KIF26B: variants seen among roughly 807,000 people sequenced by gnomAD.
KIF26B encodes kinesin-like protein KIF26B.
KIF26B carries 63 observed loss-of-function variants against 151.2 expected under a neutral mutation model. The observed-to-expected ratio is 0.42, with a 90% CI of 0.34 to 0.51. The LOEUF is 0.51. KIF26B is among the 20% of genes least tolerant of loss of function. KIF26B has a pLI of 0.07. For missense variants in KIF26B, 2,813 were observed against 2,913.6 expected (o/e 0.97, Z 0.79); for synonymous variants, 1,357 against 1,262.1 (o/e 1.08, Z -1.59).
intron 2 of KIF26B, among the ~76,000 whole-genome samples, chr1:245,316,376 G>A (rs576284855): frequency 2.8e-4 from 42 of 151,982 alleles, no homozygotes; most frequent in African/African-American, 8.4e-4. Flanking sequence ...CGCCTGCCTC[G>A]GTCTCCCAAA....
chr1:245,252,426 C>A (rs145635494), intron 2 of KIF26B, among the ~76,000 whole-genome samples: 2 of 151,902 alleles, frequency 1.3e-5, no homozygotes, highest in African/African-American at 4.8e-5. Context: ...TGGAATTCTT[C>A]TTAGGTACTT....
At chr1:245,229,962 A>G (rs1011040472) in intron 2 of KIF26B, among the ~76,000 whole-genome samples, 1 of 151,712 alleles carries the variant, frequency 6.6e-6, no homozygotes, top group Non-Finnish European at 1.5e-5. Flanking sequence ...GTAAAACCCC[A>G]TCTCTACAAA....
At chr1:245,490,055 T>C (rs1302090992) in intron 4 of KIF26B, among the ~76,000 whole-genome samples, 1 of 152,218 alleles carries the variant, frequency 6.6e-6, no homozygotes, top group Non-Finnish European at 1.5e-5. Context: ...TTGTAACCAC[T>C]GCACTGCTGT....
At chr1:245,510,777 C>T (rs964169418) in intron 4 of KIF26B, among the ~76,000 whole-genome samples, 5 of 151,994 alleles carry the variant, frequency 3.3e-5, no homozygotes, top group Non-Finnish European at 1.5e-5. Flanking sequence ...GTGTGAGCTC[C>T]TCTCCCATCC....
intron 5 of KIF26B, among the ~76,000 whole-genome samples, chr1:245,543,353 G>A (rs1661666115): frequency 6.6e-6 from 1 of 152,200 alleles, no homozygotes; most frequent in African/African-American, 2.4e-5. Context: ...CTTACAATGA[G>A]GAGTTATGCT....
chr1:245,674,383 C>T (rs1192779738), intron 10 of KIF26B, among the ~76,000 whole-genome samples: 2 of 151,890 alleles, frequency 1.3e-5, no homozygotes, highest in African/African-American at 4.8e-5. Context: ...ATATAAACAT[C>T]ATTATTCCTA....
chr1:245,237,263 T>C lies in KIF26B; in HGVS notation c.465+80580T>C, dbSNP rs142648117. On this transcript the variant is annotated intron_variant, in intron 2 of 14. Transcript: ENST00000407071. ...TCATACCACGCAACTCTAAAGTCCA[T>C]CCTTAGACTACGACTTAGAGCAGAT... 1.6e-3 allele frequency among the ~76,000 whole-genome samples: 244 copies of C among 152,304 alleles called. 3 individuals carry two copies. The highest frequency in any genetic ancestry group is 5.6e-3 in the African/African-American group (233 of 41,538).
chr1:245,660,577 G>T (rs1318264048), intron 10 of KIF26B, among the ~76,000 whole-genome samples: 1 of 152,008 alleles, frequency 6.6e-6, no homozygotes, highest in East Asian at 2.0e-4. Flanking sequence ...CTGAGCTCAA[G>T]TGATCCTCCC....
At chr1:245,554,242 G>A (rs1622662) in intron 5 of KIF26B, among the ~76,000 whole-genome samples, 11,588 of 152,266 alleles carry the variant, frequency 0.076, 816 homozygotes, top group African/African-American at 0.19. Flanking sequence ...GGCTACTTGA[G>A]GGTGGGAATC....
At chr1:245,308,988 C>T (rs1671612975) in intron 2 of KIF26B, among the ~76,000 whole-genome samples, 2 of 152,136 alleles carry the variant, frequency 1.3e-5, no homozygotes, top group African/African-American at 4.8e-5. Flanking sequence ...TAAAAGCAAA[C>T]CAGTTGGCCA....
intron 2 of KIF26B, among the ~76,000 whole-genome samples, chr1:245,316,126 C>G (rs906529901): frequency 2.6e-5 from 4 of 151,498 alleles, no homozygotes; most frequent in Non-Finnish European, 5.9e-5. Flanking sequence ...TGTTTTGGTT[C>G]TCTGGCTGCT....
intron 4 of KIF26B, among the ~76,000 whole-genome samples, chr1:245,532,162 G>A (rs576375382): frequency 3.3e-5 from 5 of 152,032 alleles, no homozygotes; most frequent in Non-Finnish European, 1.5e-5. Context: ...ATCCACGGGG[G>A]CTGAAGTCAC....
rs541862141 is a variant in KIF26B at position 245,448,293 on chromosome 1, C to T, written c.1166+28548C>T. ...CATGATCTTGGCTCACTGCAACCTC[C>T]GCCACTCAGGTGCAAGCGATTCTCC... On this transcript the variant is annotated intron_variant, in intron 4 of 14. Coordinates refer to ENST00000407071, the MANE Select transcript of KIF26B (RefSeq NM_018012.4). Among the ~76,000 whole-genome samples the T allele has an allele frequency of 1.8e-4, 27 of 152,274 alleles. No homozygotes were observed. The East Asian group carries it at 3.1e-3, about 17-fold the overall frequency.
At chr1:245,304,949 CCA>C (rs1671508899) in intron 2 of KIF26B, among the ~76,000 whole-genome samples, 1 of 151,998 alleles carries the variant, frequency 6.6e-6, no homozygotes, top group Admixed American at 6.6e-5. Flanking sequence ...TTGCCCAGGC[CCA>C]GAGGTTGAGT....
At chr1:245,285,150 G>A (rs537254984) in intron 2 of KIF26B, among the ~76,000 whole-genome samples, 3 of 152,200 alleles carry the variant, frequency 2.0e-5, no homozygotes, top group East Asian at 3.9e-4. Context: ...TTGGTGCCCC[G>A]CTGTGGGCTG....
intron 2 of KIF26B, among the ~76,000 whole-genome samples, chr1:245,265,618 C>T (rs1670731234): frequency 6.7e-6 from 1 of 148,708 alleles, no homozygotes; most frequent in Non-Finnish European, 1.5e-5. Flanking sequence ...GACAGGGTCT[C>T]ACTCTGTCAC....
rs80072667 is a variant in KIF26B, at chr1:245,649,557, C to T, written c.2258+3277C>T. The stretch of plus-strand genomic sequence containing the variant: ...GGTGTCAAGCCTTGTCTTTGCAGTG[C>T]GTTCCTTAGAGAAGTGGAAGTTTCC... On this transcript the variant is annotated intron_variant, in intron 10 of 14. Transcript: ENST00000407071. Among the ~76,000 whole-genome samples the T allele has an allele frequency of 4.6e-3, 708 of 152,288 alleles. 6 individuals carry two copies. Among genetic ancestry groups the T allele is most frequent in the African/African-American group, 0.016 (673 of 41,552 alleles).
rs111662665 is a variant in KIF26B, at chr1:245,415,804, T to G, written c.1000-3775T>G. ...CAGCATCTACTTTTTTTTTTTTTTTTGCCTGACATATACCAAGCACCCAAC... is the reference window on the plus strand; with the variant it reads ...CAGCATCTACTTTTTTTTTTTTTTTGGCCTGACATATACCAAGCACCCAAC... On this transcript the variant is annotated intron_variant, in intron 3 of 14. Coordinates refer to ENST00000407071, the MANE Select transcript of KIF26B (RefSeq NM_018012.4). Among the ~76,000 whole-genome samples, 1,348 of 151,152 alleles carry G rather than the reference T, an allele frequency of 8.9e-3. 6 individuals are homozygous for G. Among genetic ancestry groups the G allele is most frequent in the Non-Finnish European group, 0.016 (1,053 of 67,834 alleles).
At chr1:245,668,417 A>C (rs1189126935) in intron 10 of KIF26B, among the ~76,000 whole-genome samples, 1 of 150,310 alleles carries the variant, frequency 6.7e-6, no homozygotes, top group African/African-American at 2.5e-5. Context: ...CTCTAATCTT[A>C]ATTCTTTTTC....
Sources: allele counts gnomAD v4.1 joint callset (sites outside exome capture counted in the v4.1 genomes callset), GRCh38; gene constraint gnomAD v4.1.1; transcripts MANE v1.5; gene names NCBI Gene and HGNC (gene_info 2026-07-23, HGNC 2026-07-21).